NUDCD3: variants seen among roughly 807,000 people sequenced by gnomAD.
NUDCD3 encodes nudC domain-containing protein 3.
NUDCD3 carries 13 observed loss-of-function variants against 39.7 expected under a neutral mutation model. The observed-to-expected ratio is 0.33, with a 90% confidence interval of 0.21 to 0.52. The LOEUF is 0.52. Among genes scored for constraint, NUDCD3 ranks in the 20% least tolerant of loss-of-function variants. The pLI, the probability that NUDCD3 is intolerant of heterozygous loss-of-function variation, is 0.96. For synonymous variants in NUDCD3, 175 were observed against 172.4 expected (o/e 1.02, Z -0.12); for missense variants, 453 against 458.1 (o/e 0.99, Z 0.10).
chr7:44,485,165 A>C lies in NUDCD3; in HGVS notation c.312T>G (p.Ala104=). The C allele has an allele frequency of 6.2e-7, 1 of 1,614,158 alleles. No homozygotes were observed. Among genetic ancestry groups the C allele is most frequent in the East Asian group, 2.2e-5 (1 of 44,882 alleles). The part of the protein sequence containing the change: ...EEAKTVSAAA[A]EKEPVPVPVQ... ...CTGGAACTGGGACTGGCTCCTTCTC[A>C]GCTGCAGCAGCTGACACAGTCTTGG... is the stretch of plus-strand genomic sequence containing the variant. The change falls in exon 2 of 6, where the codon GCT becomes GCG. Residue 104 remains alanine (A), a synonymous_variant. Coordinates refer to ENST00000355451, the MANE Select transcript of NUDCD3 (RefSeq NM_015332.4).
In NUDCD3 at chr7:44,490,382, C is replaced by T. The variant is rs1198229392; in HGVS notation, c.192+27G>A. 2.0e-6 allele frequency: 3 copies of T among 1,514,020 alleles called. No individual in the cohort carries two copies. The Admixed American group carries it at 6.3e-5, about 32-fold the overall frequency. The allele number at this position is 1,514,020 out of a possible 1,614,324, so 93.8% of individuals were successfully genotyped here. A position where few individuals can be genotyped will look rare whatever the true frequency, so the allele number is the denominator to read the frequency against. On this transcript the variant is annotated intron_variant, in intron 1 of 5. Transcript: ENST00000355451. ...CAGGGCAGGCCGGGGGCGGCGGCTC[C>T]CCAGACCGCAGGCCCGCCCGCCTCA... is the stretch of plus-strand genomic sequence containing the variant.
intron 2 of NUDCD3, among the ~76,000 whole-genome samples, chr7:44,428,389 GC>G (rs749504069): frequency 4.6e-5 from 7 of 151,474 alleles, no homozygotes; most frequent in Non-Finnish European, 1.0e-4. Flanking sequence ...GTTGCAGTGA[GC>G]CAAGATCACA....
intron 5 of NUDCD3, among the ~76,000 whole-genome samples, chr7:44,389,794 C>T (rs543839299): frequency 6.6e-6 from 1 of 151,052 alleles, no homozygotes; most frequent in South Asian, 2.1e-4. Context: ...AGAGGAAGGT[C>T]AAGGAGAGGG....
chr7:44,441,378 T>G (rs1799581226), intron 2 of NUDCD3, among the ~76,000 whole-genome samples: 1 of 152,192 alleles, frequency 6.6e-6, no homozygotes, highest in Non-Finnish European at 1.5e-5. Flanking sequence ...TTCTTGAAGA[T>G]ATTATATCCT....
chr7:44,490,476 C>T lies in NUDCD3; in HGVS notation c.125G>A (p.Arg42His). 1 of 1,607,088 alleles carries T rather than the reference C, an allele frequency of 6.2e-7. No individual in the cohort carries two copies. The highest frequency in any genetic ancestry group is 8.5e-7 in the Non-Finnish European group (1 of 1,176,978). ...GCGGTCCGATGGGTGGCGCAGCAAG[C>T]GATAGAAGTCTGTCTTGCGGTAGAG... The part of the protein sequence containing the change: ...GFLYRKTDFY[R>H]LLRHPSDRMG... Residue 42 changes from arginine (R) to histidine (H), a missense_variant, in exon 1 of 6, where the codon CGC becomes CAC. Arg to His is a conservative substitution (Grantham distance 29). Coordinates refer to ENST00000355451, the MANE Select transcript of NUDCD3 (RefSeq NM_015332.4).
At chr7:44,410,765 G>A (rs956675282) in intron 3 of NUDCD3, among the ~76,000 whole-genome samples, 9 of 151,958 alleles carry the variant, frequency 5.9e-5, no homozygotes, top group South Asian at 2.1e-4. Flanking sequence ...TCAAGAGATC[G>A]ACATTATCCT....
chr7:44,438,773 G>T (rs895158919), intron 2 of NUDCD3, among the ~76,000 whole-genome samples: 1 of 152,156 alleles, frequency 6.6e-6, no homozygotes, highest in African/African-American at 2.4e-5. Flanking sequence ...GAATAAAATG[G>T]AATGAAATAC....
rs560136087 is a variant in NUDCD3 at position 44,454,797 on chromosome 7, C to T, written c.510-27094G>A. Among the ~76,000 whole-genome samples, 65 of 152,210 alleles carry T rather than the reference C, an allele frequency of 4.3e-4. No individual in the cohort carries two copies. In the South Asian group the frequency reaches 5.6e-3, roughly 13 times the overall value. ...ATTTTTTTTTAATTAGCCAGGCACA[C>T]TGGCATGCACCTGTGATCCCAACTA... On this transcript the variant is annotated intron_variant, in intron 2 of 5. Transcript: ENST00000355451.
At chr7:44,480,282 C>T (rs1800460249) in intron 2 of NUDCD3, among the ~76,000 whole-genome samples, 1 of 151,806 alleles carries the variant, frequency 6.6e-6, no homozygotes, top group African/African-American at 2.4e-5. Context: ...AAAAGGAATA[C>T]AAAAAAATTA....
chr7:44,459,203 CTTT>C (rs760120118), intron 2 of NUDCD3, among the ~76,000 whole-genome samples: 4 of 139,670 alleles, frequency 2.9e-5, no homozygotes, highest in Non-Finnish European at 3.1e-5. Context: ...TTAATTTTTT[CTTT>C]TTTTTTTTTT....
In NUDCD3 at chr7:44,380,011, G is replaced by A. The variant is rs1429768104; in HGVS notation, c.*6000C>T. Reference sequence around the variant, plus strand: ...CTGGCATAAACAGACAAGCCCCGGGGAGGCAGACAGCGTCCACCACTACCA... The same window carrying A: ...CTGGCATAAACAGACAAGCCCCGGGAAGGCAGACAGCGTCCACCACTACCA... On this transcript the variant is annotated 3_prime_UTR_variant, in exon 6 of 6. Coordinates refer to ENST00000355451, the MANE Select transcript of NUDCD3 (RefSeq NM_015332.4). 3 of 152,298 alleles carry A rather than the reference G, an allele frequency of 2.0e-5. No individual in the cohort carries two copies. The highest frequency in any genetic ancestry group is 6.5e-5 in the Admixed American group (1 of 15,288). 9.4% of individuals were successfully genotyped at this position (152,298 alleles called of 1,614,324 possible). A position where few individuals can be genotyped will look rare whatever the true frequency, so the allele number is the denominator to read the frequency against.
chr7:44,386,226 G>C lies in NUDCD3; in HGVS notation c.976-105C>G, dbSNP rs1209213015. The C allele has an allele frequency of 2.1e-5, 26 of 1,265,114 alleles. No homozygotes were observed. In the East Asian group the frequency reaches 3.0e-4, roughly 14 times the overall value. 78.4% of individuals were successfully genotyped at this position (1,265,114 alleles called of 1,614,324 possible). A position where few individuals can be genotyped will look rare whatever the true frequency, so the allele number is the denominator to read the frequency against. Reference sequence around the variant, plus strand: ...TAGAGAGCCTTCTTGCTTCCTCAGGGCTCAGGCACTTGCCTGGCAAGACCG... The same window carrying C: ...TAGAGAGCCTTCTTGCTTCCTCAGGCCTCAGGCACTTGCCTGGCAAGACCG... On this transcript the variant is annotated intron_variant, in intron 5 of 5. Coordinates refer to ENST00000355451, the MANE Select transcript of NUDCD3 (RefSeq NM_015332.4).
At chr7:44,452,144 G>A (rs1386893305) in intron 2 of NUDCD3, among the ~76,000 whole-genome samples, 5 of 152,194 alleles carry the variant, frequency 3.3e-5, no homozygotes, top group Non-Finnish European at 2.9e-5. Flanking sequence ...GCCAACAGGA[G>A]TTAGAGTCCC....
chr7:44,479,960 G>C (rs1800453563), intron 2 of NUDCD3, among the ~76,000 whole-genome samples: 1 of 152,266 alleles, frequency 6.6e-6, no homozygotes, highest in African/African-American at 2.4e-5. Context: ...TTTTGTTCAA[G>C]GAAAACAAGT....
At chr7:44,408,236 T>C (rs1798864369) in intron 3 of NUDCD3, among the ~76,000 whole-genome samples, 2 of 152,158 alleles carry the variant, frequency 1.3e-5, no homozygotes, top group South Asian at 4.1e-4. Flanking sequence ...TATACAACAA[T>C]TCTACATTAT....
intron 2 of NUDCD3, among the ~76,000 whole-genome samples, chr7:44,463,239 T>TC (rs1391572399): frequency 6.6e-6 from 1 of 152,010 alleles, no homozygotes; most frequent in Non-Finnish European, 1.5e-5. Flanking sequence ...CTCCTGCCCC[T>TC]CCCCAAAAAC....
intron 3 of NUDCD3, among the ~76,000 whole-genome samples, chr7:44,427,297 C>T (rs901204014): frequency 2.6e-5 from 4 of 152,218 alleles, no homozygotes; most frequent in Non-Finnish European, 4.4e-5. Context: ...GAGGTGAAGA[C>T]ATCAGATGTG....
intron 2 of NUDCD3, among the ~76,000 whole-genome samples, chr7:44,459,287 C>T (rs1005769345): frequency 1.3e-5 from 2 of 151,668 alleles, no homozygotes; most frequent in African/African-American, 2.4e-5. Flanking sequence ...TAGCCTTGAC[C>T]TACAGGGCTC....
At chr7:44,425,737 G>A (rs1474952198) in intron 3 of NUDCD3, among the ~76,000 whole-genome samples, 1 of 152,078 alleles carries the variant, frequency 6.6e-6, no homozygotes, top group Non-Finnish European at 1.5e-5. Flanking sequence ...ATGATAGCAA[G>A]CACCTGAAGT....
Sources: allele counts gnomAD v4.1 joint callset (sites outside exome capture counted in the v4.1 genomes callset), GRCh38; gene constraint gnomAD v4.1.1; transcripts MANE v1.5; gene names NCBI Gene and HGNC (gene_info 2026-07-23, HGNC 2026-07-21).